ZNF613: variants seen among roughly 807,000 people sequenced by gnomAD.
The protein encoded by ZNF613 is zinc finger protein 613.
Under a neutral mutation model 14.3 loss-of-function variants are expected in ZNF613, and 8 were observed. The observed-to-expected ratio is 0.56, with a 90% CI of 0.33 to 1.01. The LOEUF (loss-of-function observed/expected upper bound fraction) is 1.01. Among genes scored for constraint, ZNF613 ranks in the 50% least tolerant of loss-of-function variants. ZNF613 has a pLI of 0.03. For synonymous variants in ZNF613, 228 were observed against 254.5 expected, an observed-to-expected ratio of 0.90 and a Z score of 0.99; for missense variants, 656 against 741.9, an observed-to-expected ratio of 0.88 and a Z score of 1.35.
intron 3 of ZNF613, among the ~76,000 whole-genome samples, chr19:51,937,990 C>A (rs935070900): frequency 6.6e-6 from 1 of 152,034 alleles, no homozygotes; most frequent in Non-Finnish European, 1.5e-5. Context: ...CTCGGCCTCC[C>A]AAAGTGTTGA....
intron 5 of ZNF613, among the ~76,000 whole-genome samples, chr19:51,943,365 G>C (rs948087628): frequency 3.3e-5 from 5 of 152,166 alleles, no homozygotes; most frequent in Admixed American, 2.0e-4. Flanking sequence ...CCATTCCAAG[G>C]AGCATGAAAT....
At chr19:51,928,062 T>TA (rs1197622321) in intron 1 of ZNF613, 4 of 143,910 alleles carry the variant, frequency 2.8e-5, no homozygotes, top group African/African-American at 1.1e-4. Context: ...TCTATCTATC[T>TA]ATCTATCTAT....
At chr19:51,928,009 G>GCTATCTATCTATCTATCTATCTATCTAT (rs141235722) in intron 1 of ZNF613, 5 of 146,900 alleles carry the variant, frequency 3.4e-5, no homozygotes, top group African/African-American at 1.1e-4. Flanking sequence ...GCGCCACCAC[G>GCTATCTATCTATCTATCTATCTATCTAT]CTATCTATCT....
At chr19:51,938,750 A>G (rs548277978) in intron 3 of ZNF613, among the ~76,000 whole-genome samples, 6 of 138,470 alleles carry the variant, frequency 4.3e-5, no homozygotes, top group Admixed American at 2.8e-4. Context: ...ATATATATAT[A>G]TGTGCAATAT....
rs571661260 is a variant in ZNF613, at chr19:51,938,876, T to A, written c.16-1333T>A. Among the ~76,000 whole-genome samples the A allele has an allele frequency of 5.3e-5, 8 of 151,648 alleles. No homozygotes were observed. The South Asian group carries it at 1.2e-3, about 24-fold the overall frequency. Reference sequence around the variant, plus strand: ...CTCTGTGATGGATGAACAACAGAATTGCCTAATGATGCATTTCTCAGAATG... The same window carrying A: ...CTCTGTGATGGATGAACAACAGAATAGCCTAATGATGCATTTCTCAGAATG... On this transcript the variant is annotated intron_variant, in intron 3 of 5. Transcript: ENST00000293471.
At chr19:51,933,653 G>T (rs1488424022) in intron 2 of ZNF613, among the ~76,000 whole-genome samples, 1 of 152,122 alleles carries the variant, frequency 6.6e-6, no homozygotes, top group Non-Finnish European at 1.5e-5. Context: ...TCCCTCCAGG[G>T]CCTGAATCCA....
chr19:51,930,263 A>T (rs1053600488), intron 2 of ZNF613, among the ~76,000 whole-genome samples: 2 of 151,400 alleles, frequency 1.3e-5, no homozygotes, highest in African/African-American at 4.8e-5. Context: ...TTCACATAGC[A>T]TAATTTTTTT....
At chr19:51,938,808 T>G (rs981624273) in intron 3 of ZNF613, among the ~76,000 whole-genome samples, 1 of 149,924 alleles carries the variant, frequency 6.7e-6, no homozygotes, top group African/African-American at 2.5e-5. Context: ...CCGTAGAGCC[T>G]GGGCATGTAG....
chr19:51,945,250 TTGTA>T lies in ZNF613; in HGVS notation c.1372_1375del (p.Cys458LeufsTer83), dbSNP rs1480532194. ...AGATTTCACACAGGAAAGACACCCT[TTGTA>T]TGTACTGAGTGTGGAAAATCCTGCT... On this transcript the variant is annotated frameshift_variant, in exon 6 of 6. Transcript: ENST00000293471. LOFTEE classifies it low-confidence loss of function (END_TRUNC). 3.7e-6 allele frequency: 6 copies of T among 1,613,524 alleles called. No individual in the cohort carries two copies. In the African/African-American group the frequency reaches 6.7e-5, roughly 18 times the overall value.
At position 51,945,594 on chromosome 19, in the gene ZNF613, A is replaced by G; in HGVS notation, c.1711A>G (p.Met571Val). 1.2e-6 allele frequency: 2 copies of G among 1,614,210 alleles called. No homozygotes were observed. Among genetic ancestry groups the G allele is most frequent in the African/African-American group, 1.3e-5 (1 of 75,058 alleles). The change falls in exon 6 of 6, where the codon ATG becomes GTG. Residue 571 changes from methionine to valine, a missense_variant. By Grantham distance (21) the Met-to-Val change is conservative. Coordinates refer to ENST00000293471, the MANE Select transcript of ZNF613 (RefSeq NM_001031721.4). ...CATACAGGATAAAGACTCTGTTAAC[A>G]TGGTGACTCTGCAGATGCCTTCTGT... ...DLIQDKDSVN[M>V]VTLQMPSVAA...
At chr19:51,943,109 A>G (rs1163833778) in intron 5 of ZNF613, among the ~76,000 whole-genome samples, 1 of 152,220 alleles carries the variant, frequency 6.6e-6, no homozygotes, top group Non-Finnish European at 1.5e-5. Context: ...ACTTTGTAGA[A>G]AGTATACAGG....
rs755665976 is a variant in ZNF613 at position 51,944,979 on chromosome 19, C to G, written c.1096C>G (p.His366Asp). Reference sequence around the variant, plus strand: ...ACAGCTCAATGCACATCAGAAAGCTCACACAGGAGAGAAGTCATATATATG... The same window carrying G: ...ACAGCTCAATGCACATCAGAAAGCTGACACAGGAGAGAAGTCATATATATG... Reference protein sequence around the residue: ...KSQLNAHQKAHTGEKSYICRD... With the variant: ...KSQLNAHQKADTGEKSYICRD... The change falls in exon 6 of 6, where the codon CAC (histidine) becomes GAC (aspartate). Residue 366 changes from histidine (H) to aspartate (D), a missense_variant. By Grantham distance (81) the His-to-Asp change is moderately conservative. Coordinates refer to ENST00000293471, the MANE Select transcript of ZNF613 (RefSeq NM_001031721.4). 1.2e-6 allele frequency: 2 copies of G among 1,614,044 alleles called. No homozygotes were observed. The highest frequency in any genetic ancestry group is 1.7e-5 in the Admixed American group (1 of 59,996).
At position 51,944,492 on chromosome 19, in the gene ZNF613, C is replaced by T. The variant is rs1163625076; in HGVS notation, c.609C>T (p.Pro203=). 5 of 1,607,730 alleles carry T rather than the reference C, an allele frequency of 3.1e-6. No homozygotes were observed. The highest frequency in any genetic ancestry group is 2.6e-6 in the Non-Finnish European group (3 of 1,175,582). Residue 203 remains proline, a synonymous_variant, in exon 6 of 6, where the codon CCC becomes CCT. Coordinates refer to ENST00000293471, the MANE Select transcript of ZNF613 (RefSeq NM_001031721.4). The stretch of plus-strand genomic sequence containing the variant: ...AGCGAACTCAAAACATAGATAAACC[C>T]CATGTATGCACTGAGTGTGGGAAGG... ...KHQRTQNIDK[P]HVCTECGKAF...
Position 51,944,148 on chromosome 19 carries a change from A to G in ZNF613, c.265A>G (p.Met89Val). Reference protein sequence around the residue: ...EIKKVDNHLQMHSQKQRCLKR... With the variant: ...EIKKVDNHLQVHSQKQRCLKR... Reference sequence around the variant, plus strand: ...CAAGAAAGTTGACAATCATCTACAGATGCACTCACAAAAGCAAAGATGTCT... The same window carrying G: ...CAAGAAAGTTGACAATCATCTACAGGTGCACTCACAAAAGCAAAGATGTCT... Residue 89 changes from methionine to valine, a missense_variant, in exon 6 of 6, where the codon ATG becomes GTG. Coordinates refer to ENST00000293471, the MANE Select transcript of ZNF613 (RefSeq NM_001031721.4). The G allele has an allele frequency of 6.5e-7, 1 of 1,545,770 alleles. No individual in the cohort carries two copies. Among genetic ancestry groups the G allele is most frequent in the South Asian group, 1.2e-5 (1 of 81,102 alleles).
At chr19:51,941,942 C>G (rs1021576579) in intron 5 of ZNF613, among the ~76,000 whole-genome samples, 1 of 152,164 alleles carries the variant, frequency 6.6e-6, no homozygotes, top group Admixed American at 6.5e-5. Flanking sequence ...TTAATTCTGC[C>G]TATTATTTAG....
chr19:51,943,990 G>C lies in ZNF613; in HGVS notation c.236-129G>C, dbSNP rs1260767624. On this transcript the variant is annotated intron_variant, in intron 5 of 5. Transcript: ENST00000293471. ...GTTTATTCTTGTCCAAGTGACAATA[G>C]GCATATCTACTTGGAGTTTTTTAAA... is the stretch of plus-strand genomic sequence containing the variant. 8.7e-6 allele frequency: 5 copies of C among 577,886 alleles called. No homozygotes were observed. The East Asian group carries it at 1.7e-4, about 19-fold the overall frequency. The allele number at this position is 577,886 out of a possible 1,614,324, so 35.8% of individuals were successfully genotyped here. A position where few individuals can be genotyped will look rare whatever the true frequency, so the allele number is the denominator to read the frequency against.
intron 2 of ZNF613, among the ~76,000 whole-genome samples, chr19:51,934,265 C>T (rs1419939026): frequency 1.3e-5 from 2 of 152,034 alleles, no homozygotes; most frequent in Admixed American, 6.6e-5. Context: ...GACCCTTGGA[C>T]CTACCTACTC....
chr19:51,936,642 C>T (rs2085307223), intron 3 of ZNF613, among the ~76,000 whole-genome samples: 1 of 152,086 alleles, frequency 6.6e-6, no homozygotes, highest in South Asian at 2.1e-4. Flanking sequence ...GCCACCAGGC[C>T]CAGCTAACTT....
chr19:51,928,885 A>G (rs1256443968), intron 1 of ZNF613, among the ~76,000 whole-genome samples: 1 of 151,862 alleles, frequency 6.6e-6, no homozygotes, highest in Non-Finnish European at 1.5e-5. Context: ...GAAAAGGAGA[A>G]AAGAAAAAGG....
Sources: allele counts gnomAD v4.1 joint callset (sites outside exome capture counted in the v4.1 genomes callset), GRCh38; gene constraint gnomAD v4.1.1; transcripts MANE v1.5; gene names NCBI Gene and HGNC (gene_info 2026-07-23, HGNC 2026-07-21).